Variants in PRRC2C observed in about 807,000 individuals in gnomAD.
PRRC2C encodes proline rich coiled-coil 2C, also known as protein PRRC2C.
A neutral mutation model predicts 317.2 loss-of-function variants in PRRC2C; 72 were observed. That is an observed-to-expected ratio of 0.23 (90% CI 0.19 to 0.28). The LOEUF (loss-of-function observed/expected upper bound fraction) is 0.28. Among genes scored for constraint, PRRC2C ranks in the 10% least tolerant of loss-of-function variants. The pLI, the probability that PRRC2C is intolerant of heterozygous loss-of-function variation, is 1.00. For missense variants in PRRC2C, 3,074 were observed against 3,459.7 expected, an observed-to-expected ratio of 0.89 and a Z score of 2.80; for synonymous variants, 1,296 against 1,205.9, an observed-to-expected ratio of 1.07 and a Z score of -1.55.
rs1651471991 is a variant in PRRC2C, at chr1:171,591,671, G to A, written c.8521G>A (p.Ala2841Thr). 4 of 1,613,810 alleles carry A rather than the reference G, an allele frequency of 2.5e-6. No individual in the cohort carries two copies. The highest frequency in any genetic ancestry group is 2.5e-6 in the Non-Finnish European group (3 of 1,179,880). ...GAGCAAACAGATAGGAGGAGGCAAA[G>A]CCCAGAAAGTGGACAGTGATTCAAG... is the stretch of plus-strand genomic sequence containing the variant. ...QQSKQIGGGK[A>T]QKVDSDSSKP... The change falls in exon 35 of 35, where the codon GCC becomes ACC. Residue 2841 changes from alanine (A) to threonine (T), a missense_variant. By Grantham distance (58) the Ala-to-Thr change is moderately conservative. This residue lies in a region of PRRC2C where 78 missense variants were observed against 97.7 expected (regional missense o/e 0.80). Transcript: ENST00000647382.
chr1:171,574,868 C>A, intron 24 of PRRC2C, 59 bp from the exon 25 acceptor site: 1 of 1,446,898 alleles, frequency 6.9e-7, no homozygotes, highest in Non-Finnish European at 9.5e-7. Context: ...CATGTATATA[C>A]ATACGTATAT....
At chr1:171,503,706 A>T (rs979826556) in intron 1 of PRRC2C, among the ~76,000 whole-genome samples, 3 of 152,156 alleles carry the variant, frequency 2.0e-5, no homozygotes, top group Admixed American at 6.5e-5. Context: ...AATGATGCTG[A>T]GTGTATTAGT....
At chr1:171,508,372 T>A (rs1292859572) in intron 1 of PRRC2C, among the ~76,000 whole-genome samples, 1 of 152,228 alleles carries the variant, frequency 6.6e-6, no homozygotes, top group Non-Finnish European at 1.5e-5. Flanking sequence ...CTTTGTCACG[T>A]GGTTTTCTGC....
chr1:171,590,465 G>A (rs761866528), intron 34 of PRRC2C, among the ~76,000 whole-genome samples: 2 of 152,168 alleles, frequency 1.3e-5, no homozygotes, highest in Non-Finnish European at 2.9e-5. Context: ...TATGTCATCA[G>A]ATCAGACTAG....
At position 171,591,757 on chromosome 1, in the gene PRRC2C, G is replaced by A; in HGVS notation, c.8607G>A (p.Lys2869=). Reference sequence around the variant, plus strand: ...TCTGTCAGGAAAAAGTAGAAGAAAAGCCACCCCCTGCACCCTCCATAGCCA... The same window carrying A: ...TCTGTCAGGAAAAAGTAGAAGAAAAACCACCCCCTGCACCCTCCATAGCCA... ...PGVCQEKVEE[K]PPPAPSIATK... is the part of the protein sequence containing the mutation. Residue 2869 remains lysine, a synonymous_variant, in exon 35 of 35, where the codon AAG becomes AAA. Coordinates refer to ENST00000647382, the MANE Select transcript of PRRC2C (RefSeq NM_001387844.1). 1 of 1,613,508 alleles carries A rather than the reference G, an allele frequency of 6.2e-7. No individual in the cohort carries two copies. Among genetic ancestry groups the A allele is most frequent in the Non-Finnish European group, 8.5e-7 (1 of 1,179,810 alleles).
intron 15 of PRRC2C, among the ~76,000 whole-genome samples, chr1:171,539,189 C>T (rs147794948): frequency 0.044 from 6,718 of 152,026 alleles, 454 homozygotes; most frequent in African/African-American, 0.15. Context: ...TTAGTAGAGA[C>T]GGGGTTTCTC....
At chr1:171,528,439 C>T (rs1367074314) in intron 11 of PRRC2C, among the ~76,000 whole-genome samples, 3 of 152,114 alleles carry the variant, frequency 2.0e-5, no homozygotes, top group Non-Finnish European at 2.9e-5. Context: ...CAGATGCCCG[C>T]CACCACGCCC....
intron 4 of PRRC2C, 49 bp from the exon 5 acceptor site, chr1:171,515,685 A>C: frequency 1.4e-6 from 2 of 1,431,248 alleles, no homozygotes; most frequent in Non-Finnish European, 1.9e-6. Context: ...GGTTTGTATT[A>C]TCTTCAGTAT....
intron 30 of PRRC2C, among the ~76,000 whole-genome samples, chr1:171,586,045 G>A (rs114518568): frequency 0.028 from 4,110 of 146,414 alleles, 186 homozygotes; most frequent in African/African-American, 0.097. Context: ...CTGATCCGTC[G>A]CAGGAGGTCA....
intron 5 of PRRC2C, 150 bp from the exon 6 acceptor site, chr1:171,517,441 A>C (rs904454979): frequency 4.2e-6 from 3 of 718,154 alleles, no homozygotes; most frequent in Non-Finnish European, 6.9e-6. Flanking sequence ...CTACGCAAAC[A>C]ACTTGAAAGC....
intron 20 of PRRC2C, 116 bp downstream of exon 20, chr1:171,561,219 C>A: frequency 9.6e-7 from 1 of 1,040,014 alleles, no homozygotes; most frequent in Non-Finnish European, 1.5e-6. Flanking sequence ...TACTTGAGTC[C>A]GGGAGTTTGA....
At chr1:171,579,002 G>T (rs1193573252) in intron 26 of PRRC2C, among the ~76,000 whole-genome samples, 1 of 152,170 alleles carries the variant, frequency 6.6e-6, no homozygotes, top group African/African-American at 2.4e-5. Context: ...TAGTAGGTAG[G>T]TTTAAAATTG....
intron 1 of PRRC2C, among the ~76,000 whole-genome samples, chr1:171,497,342 T>A (rs1431565428): frequency 6.6e-6 from 1 of 152,258 alleles, no homozygotes; most frequent in Non-Finnish European, 1.5e-5. Context: ...ATCTTGACTC[T>A]ACCACTTTCC....
At chr1:171,496,597 C>A (rs1471320357) in intron 1 of PRRC2C, among the ~76,000 whole-genome samples, 2 of 152,074 alleles carry the variant, frequency 1.3e-5, no homozygotes, top group African/African-American at 4.8e-5. Context: ...ACCATATTTA[C>A]TTTATTATTT....
Position 171,532,800 on chromosome 1 carries a change from G to A in PRRC2C, c.1712G>A (p.Arg571Gln), listed in dbSNP as rs546727533. 1.9e-5 allele frequency: 30 copies of A among 1,569,446 alleles called. No individual in the cohort carries two copies. Among genetic ancestry groups the A allele is most frequent in the Non-Finnish European group, 2.2e-5 (26 of 1,160,452 alleles). Residue 571 changes from arginine to glutamine, a missense_variant, in exon 12 of 35, where the codon CGG becomes CAG. Arg to Gln is a conservative substitution (Grantham distance 43). Transcript: ENST00000647382. ...RKQEKEKELE[R>Q]QKEKEKELQK... is the part of the protein sequence containing the mutation. ...CAAGAAAAAGAAAAAGAACTAGAAC[G>A]GCAGAAAGAAAAGGAAAAAGAACTA... is the stretch of plus-strand genomic sequence containing the variant.
chr1:171,532,574 A>T lies in PRRC2C; in HGVS notation c.1486A>T (p.Ile496Phe), dbSNP rs1188599817. 2 of 1,567,800 alleles carry T rather than the reference A, an allele frequency of 1.3e-6. No individual in the cohort carries two copies. The highest frequency in any genetic ancestry group is 2.3e-5 in the South Asian group (2 of 85,252). ...GAAACGATTGGATGAGAAGCTTGGCATCCTGGAAAAACAACCATCTCCAGA... is the reference window on the plus strand; with the variant it reads ...GAAACGATTGGATGAGAAGCTTGGCTTCCTGGAAAAACAACCATCTCCAGA... Reference protein sequence around the residue: ...KLKRLDEKLGILEKQPSPEEI... With the variant: ...KLKRLDEKLGFLEKQPSPEEI... Residue 496 changes from isoleucine to phenylalanine, a missense_variant, in exon 12 of 35, where the codon ATC becomes TTC. Ile to Phe is a conservative substitution (Grantham distance 21, BLOSUM62 0). Coordinates refer to ENST00000647382, the MANE Select transcript of PRRC2C (RefSeq NM_001387844.1).
intron 17 of PRRC2C, among the ~76,000 whole-genome samples, chr1:171,549,817 C>T (rs1193639998): frequency 6.6e-6 from 1 of 152,154 alleles, no homozygotes; most frequent in Non-Finnish European, 1.5e-5. Flanking sequence ...CCATCTCGGC[C>T]TCCAAAAGTG....
At chr1:171,564,472 T>C (rs1683256395) in intron 20 of PRRC2C, among the ~76,000 whole-genome samples, 1 of 152,258 alleles carries the variant, frequency 6.6e-6, no homozygotes, top group South Asian at 2.1e-4. Context: ...CTAATACTAC[T>C]GTACACTTAC....
rs1202001407 is a variant in PRRC2C, at chr1:171,540,865, A to G, written c.3399A>G (p.Val1133=). The G allele has an allele frequency of 6.2e-7, 1 of 1,613,624 alleles. No homozygotes were observed. Among genetic ancestry groups the G allele is most frequent in the African/African-American group, 1.3e-5 (1 of 74,884 alleles). ...TVNQQTMAAP[V]VKEEKQPEKV... ...ACCAACAGACTATGGCAGCACCAGTAGTCAAAGAAGAAAAACAACCTGAGA... is the reference window on the plus strand; with the variant it reads ...ACCAACAGACTATGGCAGCACCAGTGGTCAAAGAAGAAAAACAACCTGAGA... The change falls in exon 16 of 35, where the codon GTA becomes GTG. Residue 1133 remains valine (V), a synonymous_variant. Transcript: ENST00000647382.
Sources: allele counts gnomAD v4.1 joint callset (sites outside exome capture counted in the v4.1 genomes callset), GRCh38; gene constraint gnomAD v4.1.1; regional missense constraint gnomAD v4.1.1; transcripts MANE v1.5; gene names NCBI Gene and HGNC (gene_info 2026-07-23, HGNC 2026-07-21).